Variants in FAT3 observed in about 807,000 individuals in gnomAD.
FAT3 encodes protocadherin Fat 3.
Under a neutral mutation model 310.2 loss-of-function variants are expected in FAT3, and 95 were observed. The observed-to-expected ratio is 0.31, with a 90% CI of 0.26 to 0.36. FAT3 has a LOEUF of 0.36. Ranked by LOEUF, FAT3 falls within the 10% of genes least tolerant of loss-of-function variation. The pLI is 1.00. For missense variants in FAT3, 5,408 were observed against 5,715.6 expected (o/e 0.95, Z 1.74); for synonymous variants, 2,314 against 2,192.9 (o/e 1.06, Z -1.54).
chr11:92,634,726 G>A (rs1382116525), intron 3 of FAT3, among the ~76,000 whole-genome samples: 1 of 152,154 alleles, frequency 6.6e-6, no homozygotes, highest in Non-Finnish European at 1.5e-5. Context: ...AATGAGCACT[G>A]TACAAGAATG....
At chr11:92,447,232 T>C (rs796716672) in intron 2 of FAT3, among the ~76,000 whole-genome samples, 1 of 148,662 alleles carries the variant, frequency 6.7e-6, no homozygotes, top group African/African-American at 2.6e-5. Flanking sequence ...CGTGTGTGTG[T>C]GTGTGTGTGT....
chr11:92,342,657 G>T (rs1471315878), intron 1 of FAT3, among the ~76,000 whole-genome samples: 1 of 152,112 alleles, frequency 6.6e-6, no homozygotes, highest in Non-Finnish European at 1.5e-5. Flanking sequence ...AAATGATTTG[G>T]CCCCTTTTCT....
intron 2 of FAT3, among the ~76,000 whole-genome samples, chr11:92,501,118 CA>C (rs1952926084): frequency 6.6e-6 from 1 of 152,020 alleles, no homozygotes; most frequent in South Asian, 2.1e-4. Flanking sequence ...TTTCATTCCA[CA>C]AGCTTCAAAT....
chr11:92,810,088 G>A lies in FAT3; in HGVS notation c.9481+12G>A, dbSNP rs1947627804. ...GGACCCCGACATTGGTAAGTCAGTT[G>A]CAGGCATCTCCCTGTCACACAGTGG... is the stretch of plus-strand genomic sequence containing the variant. On this transcript the variant is annotated intron_variant, in intron 13 of 27. Coordinates refer to ENST00000525166, the MANE Select transcript of FAT3 (RefSeq NM_001367949.2). The A allele has an allele frequency of 1.2e-6, 2 of 1,610,954 alleles. No homozygotes were observed. The highest frequency in any genetic ancestry group is 1.7e-6 in the Non-Finnish European group (2 of 1,177,834).
chr11:92,629,826 A>G (rs1245879338), intron 3 of FAT3, among the ~76,000 whole-genome samples: 2 of 152,164 alleles, frequency 1.3e-5, no homozygotes, highest in East Asian at 1.9e-4. Flanking sequence ...ATTTTGTGCC[A>G]AGTGTCTTGA....
At position 92,836,617 on chromosome 11, in the gene FAT3, A is replaced by G; in HGVS notation, c.10138A>G (p.Ile3380Val). The G allele has an allele frequency of 6.2e-7, 1 of 1,613,888 alleles. No homozygotes were observed. The highest frequency in any genetic ancestry group is 1.1e-5 in the South Asian group (1 of 91,044). ...GCCCAACGGACAGATTCATTTTTCC[A>G]TTGTGAATGGAGATCGGGACAATGA... ...SQPNGQIHFS[I>V]VNGDRDNEFT... Residue 3380 changes from isoleucine to valine, a missense_variant, in exon 16 of 28, where the codon ATT becomes GTT. By Grantham distance (29) the Ile-to-Val change is conservative (BLOSUM62 3). Around this residue, in one of 5 missense-constraint regions of FAT3, gnomAD observed 4,588 missense variants for 4,809.8 expected, o/e 0.95. Coordinates refer to ENST00000525166, the MANE Select transcript of FAT3 (RefSeq NM_001367949.2).
intron 3 of FAT3, among the ~76,000 whole-genome samples, chr11:92,693,452 G>C (rs747090457): frequency 6.6e-6 from 1 of 152,128 alleles, no homozygotes. Context: ...AGGTTGCTCT[G>C]TTTTGTCTTG....
At chr11:92,542,583 G>A (rs949165677) in intron 3 of FAT3, among the ~76,000 whole-genome samples, 2 of 151,842 alleles carry the variant, frequency 1.3e-5, no homozygotes, top group African/African-American at 4.8e-5. Context: ...ACAGGTATAT[G>A]AAAAAATACT....
At chr11:92,832,442 TCACAGAGGAAACAAATCTGTTAG>T (rs1374218298) in intron 14 of FAT3, among the ~76,000 whole-genome samples, 2 of 151,958 alleles carry the variant, frequency 1.3e-5, no homozygotes, top group African/African-American at 4.8e-5. Flanking sequence ...CCTACCTCCT[TCACAGAGGAAACAAATCTGTTAG>T]CAGGGCCCAC....
rs372792207 is a variant in FAT3, at chr11:92,567,728, T to C, written c.3607+42780T>C. On this transcript the variant is annotated intron_variant, in intron 3 of 27. Coordinates refer to ENST00000525166, the MANE Select transcript of FAT3 (RefSeq NM_001367949.2). ...GCCATAAAAAATGATGAGTTCATGTTCTTTGTAGGGACATGGATGAAATTG... is the reference window on the plus strand; with the variant it reads ...GCCATAAAAAATGATGAGTTCATGTCCTTTGTAGGGACATGGATGAAATTG... Among the ~76,000 whole-genome samples the C allele has an allele frequency of 1.1e-4, 17 of 152,172 alleles. No individual in the cohort carries two copies. The East Asian group carries it at 1.7e-3, about 16-fold the overall frequency.
At chr11:92,538,851 A>G (rs1288319747) in intron 3 of FAT3, among the ~76,000 whole-genome samples, 2 of 152,138 alleles carry the variant, frequency 1.3e-5, no homozygotes, top group East Asian at 3.9e-4. Flanking sequence ...TGGTTATAAT[A>G]TTTATTGGTT....
chr11:92,446,387 C>T (rs1444774610), intron 2 of FAT3, among the ~76,000 whole-genome samples: 2 of 152,140 alleles, frequency 1.3e-5, no homozygotes, highest in East Asian at 3.9e-4. Context: ...TTTGACTCCT[C>T]AGCTCAAGCT....
intron 3 of FAT3, among the ~76,000 whole-genome samples, chr11:92,690,248 A>G (rs1205879443): frequency 6.6e-6 from 1 of 152,236 alleles, no homozygotes; most frequent in African/African-American, 2.4e-5. Flanking sequence ...GAAAACCAAC[A>G]GCCATAAACC....
chr11:92,625,081 C>T (rs1213831311), intron 3 of FAT3, among the ~76,000 whole-genome samples: 1 of 152,152 alleles, frequency 6.6e-6, no homozygotes, highest in Non-Finnish European at 1.5e-5. Context: ...CAATTTAACC[C>T]ATCATGGTGG....
At chr11:92,588,802 A>G (rs1045467263) in intron 3 of FAT3, among the ~76,000 whole-genome samples, 1 of 151,704 alleles carries the variant, frequency 6.6e-6, no homozygotes, top group Admixed American at 6.6e-5. Flanking sequence ...TAGCCAGTCC[A>G]CATTCTGAAT....
intron 2 of FAT3, among the ~76,000 whole-genome samples, chr11:92,440,090 T>C (rs1353429133): frequency 6.6e-6 from 1 of 151,686 alleles, no homozygotes; most frequent in African/African-American, 2.4e-5. Flanking sequence ...TTTGAGGAGG[T>C]GGATCTGAGT....
At position 92,353,225 on chromosome 11, in the gene FAT3, T is replaced by C; in HGVS notation, c.1113T>C (p.Thr371=). 2 of 1,613,812 alleles carry C rather than the reference T, an allele frequency of 1.2e-6. No individual in the cohort carries two copies. The highest frequency in any genetic ancestry group is 1.7e-6 in the Non-Finnish European group (2 of 1,179,868). The change falls in exon 2 of 28, where the codon ACT becomes ACC. Residue 371 remains threonine, a synonymous_variant. Transcript: ENST00000525166. ...ACATTGGCAACCCCACAAGAGACAC[T>C]GTCCCCATTAGATTTGAAAAAGAAG... ...AVYIGNPTRD[T]VPIRFEKEVY...
rs975934939 is a variant in FAT3 at position 92,890,435 on chromosome 11, G to C, written c.13148-56G>C. 22 of 1,546,126 alleles carry C rather than the reference G, an allele frequency of 1.4e-5. No individual in the cohort carries two copies. The African/African-American group carries it at 2.5e-4, about 17-fold the overall frequency. ...AGGTCCCTTCCCTGCTCCTTTCCCA[G>C]CAAAGCACCAACTCCAGTCTAGAGG... On this transcript the variant is annotated intron_variant, in intron 27 of 27. Transcript: ENST00000525166.
intron 1 of FAT3, among the ~76,000 whole-genome samples, chr11:92,243,082 A>T (rs1265396335): frequency 6.6e-6 from 1 of 152,028 alleles, no homozygotes; most frequent in Admixed American, 6.6e-5. Context: ...AAACAATGCT[A>T]GAAATGTAAA....
Sources: gnomAD v4.1 joint callset for allele counts (sites outside exome capture counted in the v4.1 genomes callset) on GRCh38, gnomAD v4.1.1 for gene constraint, gnomAD v4.1.1 regional missense constraint, MANE v1.5 for transcripts, NCBI Gene and HGNC (gene_info 2026-07-23, HGNC 2026-07-21) for gene names.